VPS37A: variants seen among roughly 807,000 people sequenced by gnomAD.
VPS37A encodes the protein vacuolar protein sorting-associated protein 37A.
In VPS37A, 30 loss-of-function variants were observed where a neutral mutation model predicts 49.8. That is an observed-to-expected ratio of 0.60 (90% CI 0.45 to 0.82). The LOEUF (loss-of-function observed/expected upper bound fraction) is 0.82, where lower values mean the gene tolerates loss of function less well. Ranked by LOEUF, VPS37A falls within the 40% of genes least tolerant of loss-of-function variation. VPS37A has a pLI of 0.00. For synonymous variants in VPS37A, 195 were observed against 160.6 expected (o/e 1.21, Z -1.62); for missense variants, 593 against 464.4 (o/e 1.28, Z -2.55).
intron 1 of VPS37A, among the ~76,000 whole-genome samples, chr8:17,256,900 C>T (rs1812519273): frequency 1.3e-5 from 2 of 152,082 alleles, no homozygotes; most frequent in South Asian, 2.1e-4. Flanking sequence ...GATCGGCCTG[C>T]CTTGGCCTCA....
chr8:17,284,401 C>T lies in VPS37A; in HGVS notation c.970-72C>T, dbSNP rs187849734. ...ATAAATTGCCTCTCCATACCACTACCTTACTTCCTTTCCCTGTGAGGAGTT... is the reference window on the plus strand; with the variant it reads ...ATAAATTGCCTCTCCATACCACTACTTTACTTCCTTTCCCTGTGAGGAGTT... On this transcript the variant is annotated intron_variant, in intron 9 of 11. Coordinates refer to ENST00000324849, the MANE Select transcript of VPS37A (RefSeq NM_152415.3). 92 of 1,495,376 alleles carry T rather than the reference C, an allele frequency of 6.2e-5. No homozygotes were observed. In the African/African-American group the frequency reaches 1.3e-3, roughly 21 times the overall value. 92.6% of individuals were successfully genotyped at this position (1,495,376 alleles called of 1,614,324 possible).
chr8:17,248,018 G>C (rs1811501251), intron 1 of VPS37A: 3 of 508,898 alleles, frequency 5.9e-6, no homozygotes, highest in Non-Finnish European at 1.1e-5. Flanking sequence ...TTGTTCTGTT[G>C]TCTTCCTGTG....
intron 1 of VPS37A, chr8:17,248,333 C>T: frequency 2.2e-6 from 1 of 452,588 alleles, no homozygotes; most frequent in Non-Finnish European, 4.4e-6. Context: ...GGCGCGATCT[C>T]GGTTCACTGC....
At chr8:17,301,816 C>A, downstream of VPS37A, 1 of 341,154 alleles carries the variant, frequency 2.9e-6, no homozygotes, top group Non-Finnish European at 5.2e-6. Context: ...TTTACAAGTA[C>A]ATATATTTGA....
rs1157016048 is a variant in VPS37A, at chr8:17,276,487, T to C, written c.713+20T>C. 1.3e-6 allele frequency: 2 copies of C among 1,595,396 alleles called. No individual in the cohort carries two copies. Among genetic ancestry groups the C allele is most frequent in the Non-Finnish European group, 1.7e-6 (2 of 1,169,690 alleles). On this transcript the variant is annotated intron_variant, in intron 6 of 11. Coordinates refer to ENST00000324849, the MANE Select transcript of VPS37A (RefSeq NM_152415.3). ...ACTAAGGTAAACCTGGAAAGTAAAGTTGGTCACATTGTCTATTTTATTTGT... is the reference window on the plus strand; with the variant it reads ...ACTAAGGTAAACCTGGAAAGTAAAGCTGGTCACATTGTCTATTTTATTTGT...
At chr8:17,251,178 C>T (rs1293788254) in intron 1 of VPS37A, among the ~76,000 whole-genome samples, 2 of 152,164 alleles carry the variant, frequency 1.3e-5, no homozygotes, top group East Asian at 3.9e-4. Flanking sequence ...TCTCATCACC[C>T]TTCCCCCCAA....
chr8:17,314,668 G>A, the VPS37A span, among the ~76,000 whole-genome samples: 1 of 152,176 alleles, frequency 6.6e-6, no homozygotes, highest in Non-Finnish European at 1.5e-5. Flanking sequence ...CAACAGTGTT[G>A]AAGGAAATAA....
At chr8:17,312,761 G>T in the VPS37A span, among the ~76,000 whole-genome samples, 1 of 151,982 alleles carries the variant, frequency 6.6e-6, no homozygotes. Context: ...ATGGCATCAG[G>T]GAAGATATGG....
At chr8:17,317,229 C>T in the VPS37A span, among the ~76,000 whole-genome samples, 1 of 152,202 alleles carries the variant, frequency 6.6e-6, no homozygotes, top group Non-Finnish European at 1.5e-5. Context: ...GAGCAAGACA[C>T]AGGATGCTGG....
chr8:17,273,863 C>A (rs1306899229), intron 4 of VPS37A, among the ~76,000 whole-genome samples: 1 of 152,050 alleles, frequency 6.6e-6, no homozygotes, highest in African/African-American at 2.4e-5. Flanking sequence ...AAAATTAATA[C>A]ATTTTGAAAC....
chr8:17,315,940 G>A, the VPS37A span, among the ~76,000 whole-genome samples: 1 of 152,202 alleles, frequency 6.6e-6, no homozygotes, highest in South Asian at 2.1e-4. Flanking sequence ...TTCAACCCAG[G>A]AGTTTGAGGC....
chr8:17,255,508 G>A (rs925902309), intron 1 of VPS37A, among the ~76,000 whole-genome samples: 7 of 151,446 alleles, frequency 4.6e-5, no homozygotes, highest in South Asian at 4.2e-4. Flanking sequence ...GTGTGTGTGT[G>A]TATGTGTATA....
chr8:17,262,139 A>G (rs964345341), intron 1 of VPS37A, among the ~76,000 whole-genome samples: 1 of 152,048 alleles, frequency 6.6e-6, no homozygotes, highest in African/African-American at 2.4e-5. Context: ...CAGGTATGGA[A>G]GTCCGATTCT....
In VPS37A at chr8:17,289,194, G is replaced by T. The variant is rs577080536; in HGVS notation, c.*2767G>T. Among the ~76,000 whole-genome samples, 22 of 152,190 alleles carry T rather than the reference G, an allele frequency of 1.4e-4. 1 individual carries two copies. The South Asian group carries it at 3.3e-3, about 23-fold the overall frequency. On this transcript the variant is annotated intron_variant, in intron 11 of 11. Coordinates refer to ENST00000324849, the MANE Select transcript of VPS37A (RefSeq NM_152415.3). ...ATGGTAGTTTCTTTGCTGTGCATAA[G>T]GTCTTTAGTTTTATTAGATCTCATT...
downstream of VPS37A, among the ~76,000 whole-genome samples, chr8:17,303,871 A>G (rs1409338800): frequency 6.6e-6 from 1 of 152,222 alleles, no homozygotes; most frequent in African/African-American, 2.4e-5. Flanking sequence ...CGGCTAATAC[A>G]TACAATCTTA....
chr8:17,327,637 C>A, the VPS37A span, among the ~76,000 whole-genome samples: 1 of 120,080 alleles, frequency 8.3e-6, no homozygotes, highest in African/African-American at 5.7e-5. Context: ...AGGAAGAAAC[C>A]TGGTAAAAAA....
intron 6 of VPS37A, among the ~76,000 whole-genome samples, chr8:17,278,443 A>G (rs1563272503): frequency 6.6e-6 from 1 of 151,996 alleles, no homozygotes; most frequent in African/African-American, 2.4e-5. Context: ...AAATGCTTAA[A>G]TTTTTCCCCT....
chr8:17,266,025 C>T lies in VPS37A; in HGVS notation c.200+44C>T, dbSNP rs767307104. 1.6e-5 allele frequency: 24 copies of T among 1,522,674 alleles called. No homozygotes were observed. In the African/African-American group the frequency reaches 2.0e-4, roughly 12 times the overall value. The allele number at this position is 1,522,674 out of a possible 1,614,324, so 94.3% of individuals were successfully genotyped here. A position where few individuals can be genotyped will look rare whatever the true frequency, so the allele number is the denominator to read the frequency against. On this transcript the variant is annotated intron_variant, in intron 2 of 11. Coordinates refer to ENST00000324849, the MANE Select transcript of VPS37A (RefSeq NM_152415.3). ...TACTTTTTCATGTAAAAGGACTTAA[C>T]AGTTTTTTTATTGTTTCTTAGTTAT...
Position 17,286,366 on chromosome 8 carries a change from C to T in VPS37A, c.1133C>T (p.Ala378Val), listed in dbSNP as rs1586058072. Reference sequence around the variant, plus strand: ...TTCTAGATTTGCCACTGTAGAAGAGCCAAGGAAGAGAAACTTCAGCAGGCG... The same window carrying T: ...TTCTAGATTTGCCACTGTAGAAGAGTCAAGGAAGAGAAACTTCAGCAGGCG... ...EKRTICHCRR[A>V]KEEKLQQAIA... The change falls in exon 11 of 12, where the codon GCC becomes GTC. Residue 378 changes from alanine to valine, a missense_variant. Transcript: ENST00000324849. 6.2e-7 allele frequency: 1 copy of T among 1,613,626 alleles called. No individual in the cohort carries two copies. Among genetic ancestry groups the T allele is most frequent in the Non-Finnish European group, 8.5e-7 (1 of 1,179,820 alleles).
Sources: allele counts gnomAD v4.1 joint callset (sites outside exome capture counted in the v4.1 genomes callset), GRCh38; gene constraint gnomAD v4.1.1; transcripts MANE v1.5; gene names NCBI Gene and HGNC (gene_info 2026-07-23, HGNC 2026-07-21).